The following TBC1D16 variants were observed in gnomAD, a reference collection of about 807,000 sequenced individuals.
TBC1D16 encodes the protein CTD-2529O21.1.
A neutral mutation model predicts 74.7 loss-of-function variants in TBC1D16; 58 were observed. The ratio of observed to expected loss-of-function variants is 0.78; its 90% CI spans 0.63 to 0.97. The LOEUF is 0.97. Among genes scored for constraint, TBC1D16 ranks in the 50% least tolerant of loss-of-function variants. TBC1D16 has a pLI of 0.00. For missense variants in TBC1D16, 1,014 were observed against 1,079.5 expected (o/e 0.94, Z 0.85); for synonymous variants, 493 against 474.7 (o/e 1.04, Z -0.50).
chr17:80,013,500 G>A lies in TBC1D16; in HGVS notation c.48C>T (p.Asp16=). ...LLRRASSKAS[D]LLTLTPGGSG... ...TGCCACCGGGGGTGAGGGTCAGGAG[G>A]TCCGAGGCTTTGGAGGAGGCCCTGC... The change falls in exon 2 of 12, where the codon GAC becomes GAT. Residue 16 remains aspartate, a synonymous_variant. Coordinates refer to ENST00000310924, the MANE Select transcript of TBC1D16 (RefSeq NM_019020.4). The A allele has an allele frequency of 1.3e-6, 2 of 1,577,686 alleles. No individual in the cohort carries two copies. Among genetic ancestry groups the A allele is most frequent in the Non-Finnish European group, 1.7e-6 (2 of 1,163,146 alleles).
At position 79,944,240 on chromosome 17, in the gene TBC1D16, G is replaced by C. The variant is rs1282369339; in HGVS notation, c.1908+668C>G. The C allele has an allele frequency of 1.1e-5, 13 of 1,200,638 alleles. No individual in the cohort carries two copies. The Admixed American group carries it at 1.5e-4, about 14-fold the overall frequency. 74.4% of individuals were successfully genotyped at this position (1,200,638 alleles called of 1,614,324 possible). On this transcript the variant is annotated intron_variant, in intron 10 of 11. Transcript: ENST00000310924. The surrounding 1 kb of genome is among the most constrained non-coding windows in gnomAD (Gnocchi z 7.7). ...GTGGATAGAGCCAGCTCCTGCAAAA[G>C]GGTCCAGCCCTCCTGGATGCGTCGA...
rs1404539533 is a variant in TBC1D16, at chr17:80,009,323, C to T, written c.779+837G>A. On this transcript the variant is annotated intron_variant, in intron 3 of 11. Coordinates refer to ENST00000310924, the MANE Select transcript of TBC1D16 (RefSeq NM_019020.4). The surrounding 1 kb of genome is among the most constrained non-coding windows in gnomAD (Gnocchi z 5.4). Reference sequence around the variant, plus strand: ...GGGCATAGGAAGGGGCTGTGGAAGTCGGATGCAGGCCCCCTGTGCTGGCTC... The same window carrying T: ...GGGCATAGGAAGGGGCTGTGGAAGTTGGATGCAGGCCCCCTGTGCTGGCTC... 6.6e-6 allele frequency among the ~76,000 whole-genome samples: 1 copy of T among 152,220 alleles called. No individual in the cohort carries two copies. The highest frequency in any genetic ancestry group is 1.5e-5 in the Non-Finnish European group (1 of 68,028).
rs1424100626 is a variant in TBC1D16 at position 79,935,296 on chromosome 17, G to C, written c.*5563C>G. The C allele has an allele frequency of 6.6e-6, 1 of 152,286 alleles. No homozygotes were observed. The highest frequency in any genetic ancestry group is 2.4e-5 in the African/African-American group (1 of 41,452). 9.4% of individuals were successfully genotyped at this position (152,286 alleles called of 1,614,324 possible). On this transcript the variant is annotated 3_prime_UTR_variant, in exon 12 of 12. Transcript: ENST00000310924. ...ATCACCCTCCATCGCCGCCTGCTGG[G>C]GGGGCCTGAGGTCCGGAGCTGCTCT...
intron 1 of TBC1D16, among the ~76,000 whole-genome samples, chr17:80,016,478 G>A (rs536374983): frequency 4.6e-5 from 7 of 152,276 alleles, no homozygotes; most frequent in South Asian, 2.1e-4. Flanking sequence ...GAGGGTCTCC[G>A]GGTATATGAT....
chr17:80,002,486 C>T (rs956548797), intron 3 of TBC1D16, among the ~76,000 whole-genome samples: 11 of 152,220 alleles, frequency 7.2e-5, no homozygotes, highest in Non-Finnish European at 1.2e-4. Context: ...CACTGGCCAG[C>T]TCCAGGTGAA....
intron 1 of TBC1D16, among the ~76,000 whole-genome samples, chr17:80,027,042 C>G (rs1177372673): frequency 7.2e-6 from 1 of 138,210 alleles, no homozygotes; most frequent in African/African-American, 3.5e-5. Flanking sequence ...AGACACCAGG[C>G]TTTTCCAATC....
intron 3 of TBC1D16, among the ~76,000 whole-genome samples, chr17:79,958,552 A>G (rs776894439): frequency 6.6e-6 from 1 of 152,232 alleles, no homozygotes; most frequent in Non-Finnish European, 1.5e-5. Flanking sequence ...ATTTGGAAAC[A>G]AGATGCCAAA....
chr17:79,984,615 G>GTGAA (rs2034744860), intron 3 of TBC1D16, among the ~76,000 whole-genome samples: 1 of 50,052 alleles, frequency 2.0e-5, no homozygotes, highest in Non-Finnish European at 4.0e-5. Context: ...GAGGGAGGGA[G>GTGAA]GGAGTGAAGG....
chr17:80,024,949 TA>T (rs2036498213), intron 1 of TBC1D16, among the ~76,000 whole-genome samples: 1 of 117,108 alleles, frequency 8.5e-6, no homozygotes, highest in Non-Finnish European at 1.7e-5. Context: ...ACACACACCA[TA>T]GACACACCAC....
chr17:80,002,760 T>C (rs1001979066), intron 3 of TBC1D16, among the ~76,000 whole-genome samples: 4 of 152,248 alleles, frequency 2.6e-5, no homozygotes, highest in Non-Finnish European at 5.9e-5. Flanking sequence ...GTCCAGTTGC[T>C]TGGCCACATC....
chr17:79,939,881 C>T lies in TBC1D16; in HGVS notation c.*978G>A, dbSNP rs986545545. 1 of 152,192 alleles carries T rather than the reference C, an allele frequency of 6.6e-6. No individual in the cohort carries two copies. Among genetic ancestry groups the T allele is most frequent in the Non-Finnish European group, 1.5e-5 (1 of 68,038 alleles). The allele number at this position is 152,192 out of a possible 1,614,324, so 9.4% of individuals were successfully genotyped here. On this transcript the variant is annotated 3_prime_UTR_variant, in exon 12 of 12. Transcript: ENST00000310924. ...AAGAGTCTAACTATTTCCAGGTGTC[C>T]TTGTCTTGGTTGGTCAGCTAATACA...
rs1017217617 is a variant in TBC1D16, at chr17:79,975,090, C to G, written c.780-22272G>C. Among the ~76,000 whole-genome samples, 1 of 152,214 alleles carries G rather than the reference C, an allele frequency of 6.6e-6. No individual in the cohort carries two copies. The highest frequency in any genetic ancestry group is 1.5e-5 in the Non-Finnish European group (1 of 68,044). ...CCGTCCCCACTGCCAGTGGGCGCAA[C>G]GTTACTTGCAAGGCCACAAACACCC... is the stretch of plus-strand genomic sequence containing the variant. On this transcript the variant is annotated intron_variant, in intron 3 of 11. Coordinates refer to ENST00000310924, the MANE Select transcript of TBC1D16 (RefSeq NM_019020.4). The surrounding 1 kb of genome is among the most constrained non-coding windows in gnomAD (Gnocchi z 4.5).
intron 3 of TBC1D16, among the ~76,000 whole-genome samples, chr17:80,005,656 C>T (rs1483275477): frequency 2.6e-5 from 4 of 152,190 alleles, no homozygotes; most frequent in Non-Finnish European, 2.9e-5. Flanking sequence ...AAGTCAGCCT[C>T]GAATACTCAC....
intron 3 of TBC1D16, among the ~76,000 whole-genome samples, chr17:80,005,106 G>A (rs991342478): frequency 1.3e-5 from 2 of 152,086 alleles, no homozygotes; most frequent in Admixed American, 6.6e-5. Flanking sequence ...TTTTGACAAG[G>A]TCTCACTCTG....
rs973630275 is a variant in TBC1D16, at chr17:79,932,903, C to T, written c.*7956G>A. ...CTAATGACTCAAAACATAAAATCCCCTCTTTTGTCTCATGTTGAAGAGCTG... is the reference window on the plus strand; with the variant it reads ...CTAATGACTCAAAACATAAAATCCCTTCTTTTGTCTCATGTTGAAGAGCTG... On this transcript the variant is annotated 3_prime_UTR_variant, in exon 12 of 12. Coordinates refer to ENST00000310924, the MANE Select transcript of TBC1D16 (RefSeq NM_019020.4). The T allele has an allele frequency of 1.3e-5, 2 of 152,224 alleles. No homozygotes were observed. Among genetic ancestry groups the T allele is most frequent in the Non-Finnish European group, 2.9e-5 (2 of 68,038 alleles). The allele number at this position is 152,224 out of a possible 1,614,324, so 9.4% of individuals were successfully genotyped here. A position where few individuals can be genotyped will look rare whatever the true frequency, so the allele number is the denominator to read the frequency against.
chr17:80,011,337 G>A (rs2035883910), intron 2 of TBC1D16, among the ~76,000 whole-genome samples: 1 of 151,370 alleles, frequency 6.6e-6, no homozygotes, highest in African/African-American at 2.4e-5. Context: ...GATGAGCCAC[G>A]AACTCAGGCT....
intron 1 of TBC1D16, among the ~76,000 whole-genome samples, chr17:80,025,266 G>T (rs1420217842): frequency 1.3e-5 from 2 of 149,918 alleles, no homozygotes; most frequent in Non-Finnish European, 2.9e-5. Context: ...CTCCGACAGC[G>T]CCAGTGTTGA....
intron 3 of TBC1D16, among the ~76,000 whole-genome samples, chr17:79,953,213 C>T (rs938869089): frequency 6.6e-6 from 1 of 152,150 alleles, no homozygotes; most frequent in Non-Finnish European, 1.5e-5. Flanking sequence ...TTCCCTACAG[C>T]GTGGGGCTGG....
Position 79,934,487 on chromosome 17 carries a change from C to T in TBC1D16, c.*6372G>A, listed in dbSNP as rs549037341. The T allele has an allele frequency of 2.0e-5, 3 of 152,384 alleles. No homozygotes were observed. The highest frequency in any genetic ancestry group is 2.1e-4 in the South Asian group (1 of 4,830). 9.4% of individuals were successfully genotyped at this position (152,384 alleles called of 1,614,324 possible). ...GCCACCACGGCTGTTGCAGAGTCCA[C>T]GGTAAGAGCCAGGACGTGGCTTCCA... On this transcript the variant is annotated 3_prime_UTR_variant, in exon 12 of 12. Coordinates refer to ENST00000310924, the MANE Select transcript of TBC1D16 (RefSeq NM_019020.4).
Sources: allele counts gnomAD v4.1 joint callset (sites outside exome capture counted in the v4.1 genomes callset), GRCh38; gene constraint gnomAD v4.1.1; non-coding constraint Gnocchi (gnomAD v3.1); transcripts MANE v1.5; gene names NCBI Gene and HGNC (gene_info 2026-07-23, HGNC 2026-07-21).